Variants in MAF observed in about 807,000 individuals in gnomAD.
MAF encodes transcription factor Maf.
MAF carries 10 observed loss-of-function variants against 22.0 expected under a neutral mutation model. The observed-to-expected ratio is 0.45, with a 90% CI of 0.28 to 0.77. MAF has a LOEUF of 0.77. MAF is among the 30% of genes least tolerant of loss of function. The pLI is 0.12. For synonymous variants in MAF, 337 were observed against 255.8 expected (o/e 1.32, Z -3.03); for missense variants, 544 against 548.4 (o/e 0.99, Z 0.08).
At chr16:79,480,234 G>T in the MAF span, among the ~76,000 whole-genome samples, 4 of 152,228 alleles carry the variant, frequency 2.6e-5, no homozygotes, top group Admixed American at 2.6e-4. Flanking sequence ...GGAAAGGACT[G>T]CTCAAATTCC....
At chr16:79,503,773 G>T in the MAF span, among the ~76,000 whole-genome samples, 1 of 152,150 alleles carries the variant, frequency 6.6e-6, no homozygotes, top group African/African-American at 2.4e-5. Flanking sequence ...GTGTTGAATT[G>T]CTTGGTCCGT....
At chr16:79,499,364 A>G in the MAF span, among the ~76,000 whole-genome samples, 3 of 152,196 alleles carry the variant, frequency 2.0e-5, no homozygotes. Flanking sequence ...ACAGAGATGT[A>G]TGGACTCTCA....
the MAF span, among the ~76,000 whole-genome samples, chr16:79,416,707 C>T: frequency 5.3e-5 from 8 of 152,212 alleles, no homozygotes; most frequent in African/African-American, 1.9e-4. Flanking sequence ...CTGTCCAAGG[C>T]CAAGAAATGG....
the MAF span, among the ~76,000 whole-genome samples, chr16:79,395,936 G>C: frequency 6.6e-6 from 1 of 152,104 alleles, no homozygotes; most frequent in Non-Finnish European, 1.5e-5. Context: ...AATCAGACCT[G>C]GTGGCAAATG....
the MAF span, among the ~76,000 whole-genome samples, chr16:79,229,144 C>A: frequency 1.3e-5 from 2 of 151,884 alleles, no homozygotes; most frequent in Non-Finnish European, 2.9e-5. Context: ...TAGACCCCCC[C>A]CAACACCCAG....
At chr16:79,372,155 G>A in the MAF span, among the ~76,000 whole-genome samples, 4 of 150,012 alleles carry the variant, frequency 2.7e-5, no homozygotes, top group African/African-American at 4.9e-5. Context: ...TTTGGCCTCT[G>A]GGTTCCAGAT....
At chr16:79,518,483 C>T in the MAF span, among the ~76,000 whole-genome samples, 5 of 152,256 alleles carry the variant, frequency 3.3e-5, no homozygotes, top group South Asian at 2.1e-4. Context: ...CAACAGGCTA[C>T]GTGGAGGAGG....
At chr16:79,426,569 G>A in the MAF span, among the ~76,000 whole-genome samples, 2 of 152,166 alleles carry the variant, frequency 1.3e-5, no homozygotes, top group Admixed American at 6.5e-5. Flanking sequence ...GTGAGACTCT[G>A]CAGCCAGCTA....
At chr16:79,220,754 A>G in the MAF span, among the ~76,000 whole-genome samples, 5 of 152,300 alleles carry the variant, frequency 3.3e-5, no homozygotes, top group Non-Finnish European at 5.9e-5. Context: ...AGTTACTGGC[A>G]AGATACTTTT....
chr16:79,226,171 C>T, the MAF span, among the ~76,000 whole-genome samples: 1 of 152,152 alleles, frequency 6.6e-6, no homozygotes, highest in South Asian at 2.1e-4. Flanking sequence ...AAATGTGGCA[C>T]ATATATACCA....
At chr16:79,269,174 A>G in the MAF span, among the ~76,000 whole-genome samples, 2 of 152,184 alleles carry the variant, frequency 1.3e-5, no homozygotes, top group African/African-American at 2.4e-5. Flanking sequence ...TGTTTGCCTT[A>G]GAGAACTGAA....
At chr16:79,397,493 TATGA>T in the MAF span, among the ~76,000 whole-genome samples, 1 of 152,214 alleles carries the variant, frequency 6.6e-6, no homozygotes, top group Non-Finnish European at 1.5e-5. Context: ...TAGAAATCAG[TATGA>T]ATAATAAAAA....
chr16:79,441,049 A>C, the MAF span, among the ~76,000 whole-genome samples: 1 of 152,218 alleles, frequency 6.6e-6, no homozygotes, highest in East Asian at 1.9e-4. Flanking sequence ...GCCTCCATAC[A>C]TGGGTGAAAT....
At chr16:79,596,275 T>A in intron 1 of MAF, 1 of 1,060,242 alleles carries the variant, frequency 9.4e-7, no homozygotes, top group Non-Finnish European at 1.1e-6. Context: ...AAAAATGAGG[T>A]CATAATTTAC....
the MAF span, among the ~76,000 whole-genome samples, chr16:79,417,439 C>T: frequency 6.6e-6 from 1 of 152,238 alleles, no homozygotes; most frequent in Non-Finnish European, 1.5e-5. Flanking sequence ...ACTTCTCCCT[C>T]TCCCAGCCGG....
chr16:79,419,617 C>T, the MAF span, among the ~76,000 whole-genome samples: 1 of 152,152 alleles, frequency 6.6e-6, no homozygotes, highest in Non-Finnish European at 1.5e-5. Flanking sequence ...AAGATCTGAC[C>T]CGTTCCTCTT....
the MAF span, among the ~76,000 whole-genome samples, chr16:79,561,315 C>T: frequency 1.2e-3 from 168 of 144,796 alleles, no homozygotes; most frequent in African/African-American, 4.2e-3. Context: ...AGTTTTCTTT[C>T]TTTTTTTTTT....
chr16:79,370,299 G>A, the MAF span, among the ~76,000 whole-genome samples: 5 of 152,092 alleles, frequency 3.3e-5, no homozygotes, highest in African/African-American at 1.2e-4. Context: ...TAGTTACAGT[G>A]GGCAAGGAAA....
At chr16:79,484,661 G>A in the MAF span, among the ~76,000 whole-genome samples, 3 of 152,146 alleles carry the variant, frequency 2.0e-5, no homozygotes. Flanking sequence ...CCCCTCGTTG[G>A]TCCAGCTTTG....
Sources: allele counts gnomAD v4.1 joint callset (sites outside exome capture counted in the v4.1 genomes callset), GRCh38; gene constraint gnomAD v4.1.1; transcripts MANE v1.5; gene names NCBI Gene and HGNC (gene_info 2026-07-23, HGNC 2026-07-21).